Variants in ALOX5 observed in about 807,000 individuals in gnomAD.
ALOX5 encodes arachidonate 5-lipoxygenase, also known as polyunsaturated fatty acid 5-lipoxygenase.
A neutral mutation model predicts 87.9 loss-of-function variants in ALOX5; 64 were observed. That is an observed-to-expected ratio of 0.73 (90% CI 0.60 to 0.90). The LOEUF is 0.90. Among genes scored for constraint, ALOX5 ranks in the 40% least tolerant of loss-of-function variants. ALOX5 has a pLI of 0.00. For synonymous variants in ALOX5, 388 were observed against 355.1 expected, an observed-to-expected ratio of 1.09 and a Z score of -1.04; for missense variants, 822 against 907.5, an observed-to-expected ratio of 0.91 and a Z score of 1.21.
At chr10:45,389,330 G>C (rs1389510162) in intron 2 of ALOX5, among the ~76,000 whole-genome samples, 2 of 152,082 alleles carry the variant, frequency 1.3e-5, no homozygotes, top group Non-Finnish European at 2.9e-5. Context: ...TCAAATTCAG[G>C]AAATACAGAG....
At chr10:45,416,807 CATGGATGGTGGATGG>C (rs1841305389) in intron 4 of ALOX5, among the ~76,000 whole-genome samples, 1 of 151,024 alleles carries the variant, frequency 6.6e-6, no homozygotes, top group African/African-American at 2.4e-5. Flanking sequence ...TGGATGGATT[CATGGATGGTGGATGG>C]ATGGATGGAT....
chr10:45,404,714 T>G (rs1840817984), intron 3 of ALOX5, among the ~76,000 whole-genome samples: 1 of 152,242 alleles, frequency 6.6e-6, no homozygotes, highest in African/African-American at 2.4e-5. Flanking sequence ...TTTCTAGCTG[T>G]TGCAAACCAA....
chr10:45,419,961 CCTGGCA>C (rs1841445544), intron 4 of ALOX5, among the ~76,000 whole-genome samples: 1 of 152,134 alleles, frequency 6.6e-6, no homozygotes, highest in South Asian at 2.1e-4. Flanking sequence ...GGCCTGCTGG[CCTGGCA>C]CTGGAAAGCA....
chr10:45,419,289 A>G (rs1483924612), intron 4 of ALOX5, among the ~76,000 whole-genome samples: 2 of 144,570 alleles, frequency 1.4e-5, no homozygotes, highest in East Asian at 2.0e-4. Context: ...CCGAGAGAGA[A>G]AGCGGGGCAC....
At chr10:45,418,975 C>T (rs904384004) in intron 4 of ALOX5, among the ~76,000 whole-genome samples, 1 of 152,212 alleles carries the variant, frequency 6.6e-6, no homozygotes, top group African/African-American at 2.4e-5. Flanking sequence ...GCTCACACGC[C>T]CTGCGATTTC....
chr10:45,407,186 A>G (rs1336857326), intron 3 of ALOX5, among the ~76,000 whole-genome samples: 2 of 152,144 alleles, frequency 1.3e-5, no homozygotes, highest in East Asian at 1.9e-4. Context: ...GTGTGTATAC[A>G]CTTCAGTCTT....
At position 45,415,255 on chromosome 10, in the gene ALOX5, A is replaced by G. The variant is rs186281355; in HGVS notation, c.554+2942A>G. Among the ~76,000 whole-genome samples the G allele has an allele frequency of 3.8e-3, 583 of 152,364 alleles. 6 individuals carry two copies. Among genetic ancestry groups the G allele is most frequent in the Middle Eastern group, 6.8e-3 (2 of 294 alleles). On this transcript the variant is annotated intron_variant, in intron 4 of 13. Transcript: ENST00000374391. ...ATGCACTATGGAATACTATGCAGCC[A>G]TAAAAAAGGATGAGTTAATGTCCTT...
In ALOX5 at chr10:45,412,202, G is replaced by A. The variant is rs1841089383; in HGVS notation, c.443G>A (p.Trp148Ter). The change falls in exon 4 of 14, where the codon TGG (tryptophan) becomes TAG (stop). Residue 148 changes from tryptophan (W) to a stop codon, truncating the protein, a stop_gained. Coordinates refer to ENST00000374391, the MANE Select transcript of ALOX5 (RefSeq NM_000698.5). LOFTEE classifies it high-confidence loss of function. ...TRQKQYRWMEWNPGFPLSIDA... is the reference protein window; with the variant it reads ...TRQKQYRWME ...TTTCTCATGCTCAGATGGATGGAGT[G>A]GAACCCTGGCTTCCCCTTGAGCATC... 2 of 1,614,066 alleles carry A rather than the reference G, an allele frequency of 1.2e-6. No individual in the cohort carries two copies. The highest frequency in any genetic ancestry group is 1.3e-5 in the African/African-American group (1 of 74,924).
chr10:45,415,946 A>G (rs1841275680), intron 4 of ALOX5, among the ~76,000 whole-genome samples: 1 of 152,038 alleles, frequency 6.6e-6, no homozygotes, highest in African/African-American at 2.4e-5. Flanking sequence ...AAAGATTTTC[A>G]TTTCCTTTTA....
At chr10:45,444,656 C>G (rs1179998081) in intron 13 of ALOX5, 1 of 247,240 alleles carries the variant, frequency 4.0e-6, no homozygotes, top group African/African-American at 2.2e-5. Context: ...CTCATTTAAC[C>G]TAACAACTGA....
intron 3 of ALOX5, among the ~76,000 whole-genome samples, chr10:45,396,179 T>C (rs1840495832): frequency 2.0e-5 from 3 of 152,214 alleles, no homozygotes; most frequent in South Asian, 4.1e-4. Context: ...GTAGGAAGAA[T>C]GGGCAGAAAA....
chr10:45,424,203 T>C, intron 5 of ALOX5, 56 bp downstream of exon 5: 1 of 1,432,766 alleles, frequency 7.0e-7, no homozygotes, highest in Non-Finnish European at 9.8e-7. Flanking sequence ...GCTGCTCTCC[T>C]GTCTGATACT....
chr10:45,398,041 A>C (rs932628955), intron 3 of ALOX5, among the ~76,000 whole-genome samples: 5 of 152,140 alleles, frequency 3.3e-5, no homozygotes, highest in Non-Finnish European at 7.3e-5. Flanking sequence ...AGCCAAAACA[A>C]TCTTGATAAA....
intron 3 of ALOX5, among the ~76,000 whole-genome samples, chr10:45,402,513 A>C (rs1387004061): frequency 6.6e-6 from 1 of 152,002 alleles, no homozygotes; most frequent in Admixed American, 6.6e-5. Context: ...AAGAAATCAG[A>C]CTCCACCTCT....
rs1842324426 is a variant in ALOX5 at position 45,443,650 on chromosome 10, G to A, written c.1574-78G>A. The A allele has an allele frequency of 1.9e-6, 3 of 1,591,266 alleles. No homozygotes were observed. In the East Asian group the frequency reaches 6.9e-5, roughly 36 times the overall value. ...GGGTGCCCTCCGGCCTTGGGGCAGG[G>A]AATCCGGGCACGGGGTGGGCGCCGG... On this transcript the variant is annotated intron_variant, in intron 11 of 13. Coordinates refer to ENST00000374391, the MANE Select transcript of ALOX5 (RefSeq NM_000698.5).
At position 45,386,097 on chromosome 10, in the gene ALOX5, C is replaced by T. The variant is rs143383132; in HGVS notation, c.349+3416C>T. 2.0e-5 allele frequency among the ~76,000 whole-genome samples: 3 copies of T among 152,026 alleles called. No homozygotes were observed. The East Asian group carries it at 5.8e-4, about 29-fold the overall frequency. ...CGGGTGGATCACAAGGTCAGGAGAT[C>T]GAGACCATCCTGGCTAACACAGTAA... On this transcript the variant is annotated intron_variant, in intron 2 of 13. Coordinates refer to ENST00000374391, the MANE Select transcript of ALOX5 (RefSeq NM_000698.5).
intron 2 of ALOX5, among the ~76,000 whole-genome samples, chr10:45,391,497 C>G (rs988487628): frequency 6.6e-6 from 1 of 152,164 alleles, no homozygotes; most frequent in African/African-American, 2.4e-5. Context: ...GAGATTGCAG[C>G]CTCTGCCCGG....
At chr10:45,412,076 T>C (rs1841083103) in intron 3 of ALOX5, 115 bp from the exon 4 acceptor site, 1 of 1,462,118 alleles carries the variant, frequency 6.8e-7, no homozygotes, top group African/African-American at 1.4e-5. Flanking sequence ...TGACTTTATT[T>C]TGAGTACATC....
At chr10:45,440,405 T>G in intron 7 of ALOX5, 25 bp from the exon 8 acceptor site, 1 of 1,608,204 alleles carries the variant, frequency 6.2e-7, no homozygotes, top group Non-Finnish European at 8.5e-7. Flanking sequence ...TATAGCAGTG[T>G]GTTTCCTTTC....
Sources: gnomAD v4.1 joint callset for allele counts (sites outside exome capture counted in the v4.1 genomes callset) on GRCh38, gnomAD v4.1.1 for gene constraint, MANE v1.5 for transcripts, NCBI Gene and HGNC (gene_info 2026-07-23, HGNC 2026-07-21) for gene names.